The following SH3PXD2A variants were observed in gnomAD, a reference collection of about 807,000 sequenced individuals.
SH3PXD2A encodes SH3 and PX domain-containing protein 2A.
A neutral mutation model predicts 115.2 loss-of-function variants in SH3PXD2A; 32 were observed. That is an observed-to-expected ratio of 0.28 (90% CI 0.21 to 0.37). The LOEUF (loss-of-function observed/expected upper bound fraction) is 0.37. Among genes scored for constraint, SH3PXD2A ranks in the 10% least tolerant of loss-of-function variants. The pLI is 1.00. For synonymous variants in SH3PXD2A, 610 were observed against 629.1 expected (o/e 0.97, Z 0.45); for missense variants, 1,328 against 1,498.7 (o/e 0.89, Z 1.88).
chr10:103,732,007 T>C (rs891928030), intron 4 of SH3PXD2A, among the ~76,000 whole-genome samples: 3 of 152,176 alleles, frequency 2.0e-5, no homozygotes, highest in Non-Finnish European at 4.4e-5. Flanking sequence ...GTGTCATAGA[T>C]AGACGAATAA....
intron 3 of SH3PXD2A, among the ~76,000 whole-genome samples, chr10:103,758,120 G>T (rs558786521): frequency 1.1e-4 from 16 of 152,344 alleles, no homozygotes; most frequent in African/African-American, 3.6e-4. Flanking sequence ...GACTGGGCCA[G>T]ATGGCACAGC....
At chr10:103,637,038 A>C (rs771019956) in intron 8 of SH3PXD2A, among the ~76,000 whole-genome samples, 24 of 152,242 alleles carry the variant, frequency 1.6e-4, no homozygotes, top group Non-Finnish European at 3.2e-4. Flanking sequence ...TGCAATACCC[A>C]GAGATTTTCA....
At chr10:103,634,051 T>C (rs1480955982) in intron 8 of SH3PXD2A, among the ~76,000 whole-genome samples, 1 of 152,230 alleles carries the variant, frequency 6.6e-6, no homozygotes, top group East Asian at 1.9e-4. Flanking sequence ...TCTCCTTGTG[T>C]GCTGAGGCCT....
At chr10:103,732,626 C>T (rs1446385491) in intron 4 of SH3PXD2A, among the ~76,000 whole-genome samples, 1 of 152,228 alleles carries the variant, frequency 6.6e-6, no homozygotes, top group Non-Finnish European at 1.5e-5. Context: ...ATGTCTGAGT[C>T]CTTGCAGGGA....
At chr10:103,798,230 T>A (rs553698718) in intron 2 of SH3PXD2A, among the ~76,000 whole-genome samples, 2 of 152,298 alleles carry the variant, frequency 1.3e-5, no homozygotes, top group African/African-American at 4.8e-5. Context: ...CCTGTTGTTA[T>A]CTGAATAGAC....
chr10:103,643,323 C>T (rs367984911), intron 8 of SH3PXD2A, among the ~76,000 whole-genome samples: 6 of 152,336 alleles, frequency 3.9e-5, no homozygotes, highest in African/African-American at 1.4e-4. Flanking sequence ...TCCCCAAGCC[C>T]TCCGGCCAGG....
intron 3 of SH3PXD2A, among the ~76,000 whole-genome samples, chr10:103,747,539 C>T (rs535979664): frequency 5.3e-5 from 8 of 152,248 alleles, no homozygotes; most frequent in East Asian, 1.9e-4. Flanking sequence ...GCGAGGGGCA[C>T]GAGGCCTCTG....
chr10:103,618,235 C>T (rs2036549506), intron 10 of SH3PXD2A, among the ~76,000 whole-genome samples: 1 of 152,180 alleles, frequency 6.6e-6, no homozygotes, highest in Non-Finnish European at 1.5e-5. Flanking sequence ...ATGGTGCCTC[C>T]CCTGGTTTCT....
intron 2 of SH3PXD2A, among the ~76,000 whole-genome samples, chr10:103,795,864 A>G (rs1292730698): frequency 6.7e-6 from 1 of 148,634 alleles, no homozygotes; most frequent in Non-Finnish European, 1.5e-5. Context: ...GAAGAAGGAA[A>G]GAAGGAAGGG....
intron 3 of SH3PXD2A, among the ~76,000 whole-genome samples, chr10:103,742,818 C>T (rs1329088222): frequency 1.3e-5 from 2 of 152,086 alleles, no homozygotes; most frequent in Admixed American, 6.6e-5. Flanking sequence ...GACCTGAAGC[C>T]GAGAGAATGG....
chr10:103,797,186 C>T (rs1790997705), intron 2 of SH3PXD2A, among the ~76,000 whole-genome samples: 1 of 152,140 alleles, frequency 6.6e-6, no homozygotes, highest in Non-Finnish European at 1.5e-5. Context: ...CTTAAAAAAG[C>T]ATTTGCTGTT....
chr10:103,775,939 A>T (rs533719859), intron 2 of SH3PXD2A, among the ~76,000 whole-genome samples: 21 of 152,232 alleles, frequency 1.4e-4, no homozygotes, highest in South Asian at 4.2e-4. Flanking sequence ...ATAATAACAC[A>T]CACTCACTAA....
At chr10:103,830,914 T>TC (rs2039476827) in intron 1 of SH3PXD2A, among the ~76,000 whole-genome samples, 1 of 136,434 alleles carries the variant, frequency 7.3e-6, no homozygotes, top group Non-Finnish European at 1.5e-5. Context: ...GGATGAGGGT[T>TC]TGCAATGGTG....
At chr10:103,708,388 G>C (rs554485317) in intron 5 of SH3PXD2A, among the ~76,000 whole-genome samples, 1 of 152,284 alleles carries the variant, frequency 6.6e-6, no homozygotes, top group South Asian at 2.1e-4. Flanking sequence ...CCCTCAGTGG[G>C]AGGTTGGAGC....
At chr10:103,672,142 G>A (rs535705071) in intron 6 of SH3PXD2A, among the ~76,000 whole-genome samples, 75 of 152,254 alleles carry the variant, frequency 4.9e-4, no homozygotes, top group African/African-American at 1.6e-3. Flanking sequence ...AAAATTAGCC[G>A]GGCATGATGG....
At chr10:103,724,724 TCAAC>T (rs747257370) in intron 4 of SH3PXD2A, among the ~76,000 whole-genome samples, 4 of 150,626 alleles carry the variant, frequency 2.7e-5, no homozygotes, top group South Asian at 2.1e-4. Context: ...AACCATCCAG[TCAAC>T]CAACCAACCA....
intron 6 of SH3PXD2A, among the ~76,000 whole-genome samples, chr10:103,677,375 G>A (rs1400889484): frequency 6.6e-6 from 1 of 152,184 alleles, no homozygotes. Context: ...AGGTCTGAGG[G>A]AGGAGACGGC....
At chr10:103,735,968 G>T (rs1232400449) in intron 3 of SH3PXD2A, among the ~76,000 whole-genome samples, 160 bp from the exon 4 acceptor site, 1 of 152,180 alleles carries the variant, frequency 6.6e-6, no homozygotes, top group Non-Finnish European at 1.5e-5. Context: ...CACCTTTCCT[G>T]GAGGGCAGGA....
intron 5 of SH3PXD2A, among the ~76,000 whole-genome samples, chr10:103,714,267 G>T (rs1377327435): frequency 6.6e-6 from 1 of 152,190 alleles, no homozygotes; most frequent in Admixed American, 6.5e-5. Context: ...GCACATGGGG[G>T]TCTTGAGGTT....
Sources: gnomAD v4.1 joint callset for allele counts (sites outside exome capture counted in the v4.1 genomes callset) on GRCh38, gnomAD v4.1.1 for gene constraint, MANE v1.5 for transcripts, NCBI Gene and HGNC (gene_info 2026-07-23, HGNC 2026-07-21) for gene names.